WIF1: variants seen among roughly 807,000 people sequenced by gnomAD.
WIF1 encodes Wnt inhibitory factor 1.
A neutral mutation model predicts 53.5 loss-of-function variants in WIF1; 35 were observed. The observed-to-expected ratio is 0.65, with a 90% CI of 0.50 to 0.87. WIF1 has a LOEUF of 0.87. Among genes scored for constraint, WIF1 ranks in the 40% least tolerant of loss-of-function variants. The probability of loss-of-function intolerance (pLI) is 0.00; values close to 1 mark genes in which losing one functional copy is unlikely to be tolerated. For missense variants in WIF1, 467 were observed against 476.8 expected, an observed-to-expected ratio of 0.98 and a Z score of 0.19; for synonymous variants, 171 against 170.4, an observed-to-expected ratio of 1.00 and a Z score of -0.03.
intron 2 of WIF1, among the ~76,000 whole-genome samples, chr12:65,079,861 A>T (rs974185454): frequency 1.3e-5 from 2 of 152,138 alleles, no homozygotes; most frequent in Non-Finnish European, 2.9e-5. Flanking sequence ...AACTACATTA[A>T]TTCAATGTAA....
intron 3 of WIF1, among the ~76,000 whole-genome samples, chr12:65,075,870 C>G (rs906786752): frequency 6.6e-6 from 1 of 151,950 alleles, no homozygotes; most frequent in Non-Finnish European, 1.5e-5. Context: ...TAATATACAA[C>G]AAGCTTTGCA....
intron 2 of WIF1, among the ~76,000 whole-genome samples, chr12:65,080,036 C>G (rs1044057309): frequency 6.6e-6 from 1 of 152,116 alleles, no homozygotes; most frequent in Non-Finnish European, 1.5e-5. Flanking sequence ...CAATTTGCTG[C>G]TTTAAATCAC....
intron 2 of WIF1, among the ~76,000 whole-genome samples, chr12:65,108,329 G>T (rs1447125666): frequency 6.6e-6 from 1 of 152,074 alleles, no homozygotes; most frequent in African/African-American, 2.4e-5. Context: ...GATGAGAAGG[G>T]GAAGGAGGAT....
chr12:65,082,340 A>T (rs1882962622), intron 2 of WIF1, among the ~76,000 whole-genome samples: 1 of 152,182 alleles, frequency 6.6e-6, no homozygotes, highest in African/African-American at 2.4e-5. Flanking sequence ...GTAATAGAGA[A>T]ATGGTATACT....
chr12:65,066,697 A>G lies in WIF1; in HGVS notation c.674T>C (p.Val225Ala), dbSNP rs781677101. Reference protein sequence around the residue: ...TPRCMNGGLCVTPGFCICPPG... With the variant: ...TPRCMNGGLCATPGFCICPPG... ...TGGGCAGATGCAGAAACCAGGAGTC[A>G]CACAAAGTCCACCATTCATACATCG... The change falls in exon 6 of 10, where the codon GTG becomes GCG. Residue 225 changes from valine to alanine, a missense_variant. Coordinates refer to ENST00000286574, the MANE Select transcript of WIF1 (RefSeq NM_007191.5). 31 of 1,610,838 alleles carry G rather than the reference A, an allele frequency of 1.9e-5. No homozygotes were observed. The highest frequency in any genetic ancestry group is 3.3e-5 in the South Asian group (3 of 90,598).
intron 2 of WIF1, among the ~76,000 whole-genome samples, chr12:65,087,225 A>G (rs1883053270): frequency 6.6e-6 from 1 of 152,280 alleles, no homozygotes; most frequent in Non-Finnish European, 1.5e-5. Context: ...GTTCTTCATC[A>G]ATATCTAATT....
intron 2 of WIF1, among the ~76,000 whole-genome samples, chr12:65,098,721 T>C (rs7488787): frequency 0.97 from 147,914 of 152,218 alleles, 71,917 homozygotes; most frequent in East Asian, 1. Flanking sequence ...TACTCCATTC[T>C]AGAGAAAAAC....
At chr12:65,068,425 A>C (rs1406242327) in intron 4 of WIF1, among the ~76,000 whole-genome samples, 2 of 152,156 alleles carry the variant, frequency 1.3e-5, no homozygotes, top group African/African-American at 2.4e-5. Flanking sequence ...CAGAGCAAGA[A>C]AGGGGGAAAT....
At chr12:65,068,620 G>A (rs1008227663) in intron 4 of WIF1, 144 bp downstream of exon 4, 96 of 1,069,502 alleles carry the variant, frequency 9.0e-5, no homozygotes, top group Non-Finnish European at 9.0e-5. Context: ...TTCCGTTGCT[G>A]TAGTTATAGA....
chr12:65,109,564 C>A (rs1267541700), intron 2 of WIF1, among the ~76,000 whole-genome samples: 1 of 152,162 alleles, frequency 6.6e-6, no homozygotes, highest in Non-Finnish European at 1.5e-5. Context: ...CTTCCTGAAG[C>A]CAGTTAGATC....
intron 3 of WIF1, among the ~76,000 whole-genome samples, chr12:65,071,231 C>CAAAAAAAA (rs67928556): frequency 1.7e-4 from 12 of 71,130 alleles, no homozygotes; most frequent in African/African-American, 2.8e-4. Context: ...AAGACTCCAT[C>CAAAAAAAA]AAAAAAAAAA....
chr12:65,082,038 G>T (rs146360928), intron 2 of WIF1, among the ~76,000 whole-genome samples: 4 of 151,888 alleles, frequency 2.6e-5, no homozygotes, highest in Non-Finnish European at 5.9e-5. Context: ...ATGAACTACA[G>T]AGTAAATATA....
In WIF1 at chr12:65,052,833, C is replaced by T. The variant is rs564148232; in HGVS notation, c.1019-1363G>A. Reference sequence around the variant, plus strand: ...CTGTCAGGAGGCATCATCTACCACACGAGGGCCCCTAACTTGCCTTCCCTT... The same window carrying T: ...CTGTCAGGAGGCATCATCTACCACATGAGGGCCCCTAACTTGCCTTCCCTT... On this transcript the variant is annotated intron_variant, in intron 9 of 9. Coordinates refer to ENST00000286574, the MANE Select transcript of WIF1 (RefSeq NM_007191.5). Among the ~76,000 whole-genome samples the T allele has an allele frequency of 6.6e-5, 10 of 152,252 alleles. No homozygotes were observed. The East Asian group carries it at 9.7e-4, about 15-fold the overall frequency.
At chr12:65,099,502 C>T (rs61924765) in intron 2 of WIF1, among the ~76,000 whole-genome samples, 1 of 152,050 alleles carries the variant, frequency 6.6e-6, no homozygotes, top group Non-Finnish European at 1.5e-5. Context: ...CCCCTTCTCC[C>T]CAACCCGCCA....
At chr12:65,057,598 G>A (rs1007421583) in intron 7 of WIF1, among the ~76,000 whole-genome samples, 2 of 34,808 alleles carry the variant, frequency 5.7e-5, no homozygotes, top group African/African-American at 9.7e-5. Context: ...TTTTGGTAGT[G>A]GAGGAGTTTG....
At chr12:65,086,545 C>A (rs1883040759) in intron 2 of WIF1, among the ~76,000 whole-genome samples, 1 of 152,062 alleles carries the variant, frequency 6.6e-6, no homozygotes, top group Non-Finnish European at 1.5e-5. Context: ...AACTTGAGAG[C>A]ACAACGACAC....
chr12:65,055,169 G>A lies in WIF1; in HGVS notation c.967C>T (p.Pro323Ser). Residue 323 changes from proline (P) to serine (S), a missense_variant, in exon 9 of 10, where the codon CCC becomes TCC. Coordinates refer to ENST00000286574, the MANE Select transcript of WIF1 (RefSeq NM_007191.5). ...CCTTCTTGACATTGGCATTTGTTGG[G>A]TTCATGGCAGGTTCCATGTGCACCA... is the stretch of plus-strand genomic sequence containing the variant. ...GCGAHGTCHEPNKCQCQEGWH... is the reference protein window; with the variant it reads ...GCGAHGTCHESNKCQCQEGWH... 6.2e-7 allele frequency: 1 copy of A among 1,614,012 alleles called. No homozygotes were observed. Among genetic ancestry groups the A allele is most frequent in the Non-Finnish European group, 8.5e-7 (1 of 1,179,988 alleles).
chr12:65,077,694 T>C (rs1882884776), intron 3 of WIF1, 52 bp downstream of exon 3: 2 of 1,302,086 alleles, frequency 1.5e-6, no homozygotes, highest in Non-Finnish European at 2.2e-6. Context: ...TAAATATTCT[T>C]ATCATCATTA....
chr12:65,102,609 C>T (rs1883298868), intron 2 of WIF1, among the ~76,000 whole-genome samples: 1 of 152,094 alleles, frequency 6.6e-6, no homozygotes, highest in South Asian at 2.1e-4. Context: ...GTCTGGGCAC[C>T]CCAAGGCCCA....
Sources: allele counts gnomAD v4.1 joint callset (sites outside exome capture counted in the v4.1 genomes callset), GRCh38; gene constraint gnomAD v4.1.1; transcripts MANE v1.5; gene names NCBI Gene and HGNC (gene_info 2026-07-23, HGNC 2026-07-21).